The following CNOT6L variants were observed in gnomAD, a reference collection of about 807,000 sequenced individuals.
CNOT6L encodes CCR4-NOT transcription complex subunit 6 like, also known as CCR4-NOT transcription complex subunit 6-like.
In CNOT6L, 7 loss-of-function variants were observed where a neutral mutation model predicts 64.0. That is an observed-to-expected ratio of 0.11 (90% confidence interval 0.06 to 0.21). The LOEUF (loss-of-function observed/expected upper bound fraction) is 0.21. Ranked by LOEUF, CNOT6L falls within the 10% of genes least tolerant of loss-of-function variation. The pLI is 1.00. For missense variants in CNOT6L, 245 were observed against 669.0 expected (o/e 0.37, Z 6.99); for synonymous variants, 193 against 243.4 (o/e 0.79, Z 1.93).
At chr4:77,779,242 G>A (rs1728572917) in intron 1 of CNOT6L, among the ~76,000 whole-genome samples, 2 of 151,722 alleles carry the variant, frequency 1.3e-5, no homozygotes, top group African/African-American at 2.4e-5. Flanking sequence ...ATGTATTTGT[G>A]GAATGATCAA....
At chr4:77,804,337 G>C (rs1731970956) in intron 1 of CNOT6L, among the ~76,000 whole-genome samples, 1 of 151,722 alleles carries the variant, frequency 6.6e-6, no homozygotes, top group Non-Finnish European at 1.5e-5. Flanking sequence ...GCTTAGGCAG[G>C]AGAACTGCTT....
chr4:77,739,962 T>C (rs563539145), intron 8 of CNOT6L, among the ~76,000 whole-genome samples: 13 of 152,278 alleles, frequency 8.5e-5, no homozygotes, highest in African/African-American at 3.1e-4. Context: ...TTCCATATTA[T>C]CTTGAAAGAA....
At chr4:77,749,902 C>T (rs756688852) in intron 5 of CNOT6L, among the ~76,000 whole-genome samples, 1 of 152,120 alleles carries the variant, frequency 6.6e-6, no homozygotes, top group Non-Finnish European at 1.5e-5. Context: ...CTGGGATCAG[C>T]CCTATCTTCT....
chr4:77,735,729 G>A (rs1354100), intron 8 of CNOT6L, among the ~76,000 whole-genome samples: 9,788 of 152,086 alleles, frequency 0.064, 472 homozygotes, highest in African/African-American at 0.13. Context: ...TTTGTTGATC[G>A]TCAATTACTG....
At chr4:77,727,442 C>T (rs1721981470) in intron 10 of CNOT6L, among the ~76,000 whole-genome samples, 1 of 151,706 alleles carries the variant, frequency 6.6e-6, no homozygotes, top group Non-Finnish European at 1.5e-5. Context: ...TGGCATGCAC[C>T]TGTAATTCCA....
chr4:77,769,085 T>C (rs2110044748), intron 4 of CNOT6L, among the ~76,000 whole-genome samples: 1 of 152,226 alleles, frequency 6.6e-6, no homozygotes, highest in South Asian at 2.1e-4. Flanking sequence ...AATACAGCAG[T>C]AAAACAAAGA....
intron 4 of CNOT6L, among the ~76,000 whole-genome samples, chr4:77,769,004 A>G (rs574439684): frequency 6.6e-6 from 1 of 152,314 alleles, no homozygotes; most frequent in Non-Finnish European, 1.5e-5. Flanking sequence ...GTAGCCAAAA[A>G]CAAAAATGGA....
At chr4:77,761,872 G>A (rs1308688836) in intron 4 of CNOT6L, among the ~76,000 whole-genome samples, 1 of 152,020 alleles carries the variant, frequency 6.6e-6, no homozygotes, top group Non-Finnish European at 1.5e-5. Flanking sequence ...CCAAGAAAAA[G>A]TAAATTTACA....
intron 1 of CNOT6L, among the ~76,000 whole-genome samples, chr4:77,778,795 A>G (rs1200093683): frequency 6.6e-6 from 1 of 151,734 alleles, no homozygotes; most frequent in African/African-American, 2.4e-5. Flanking sequence ...ATGTAATCCT[A>G]GCACTTTGGG....
intron 3 of CNOT6L, among the ~76,000 whole-genome samples, chr4:77,773,606 C>T (rs1011453530): frequency 2.2e-4 from 33 of 152,082 alleles, no homozygotes; most frequent in Non-Finnish European, 1.3e-4. Context: ...AGCCAATCAC[C>T]GGTATCTCTT....
intron 10 of CNOT6L, among the ~76,000 whole-genome samples, chr4:77,727,633 A>AT (rs963224138): frequency 6.6e-6 from 1 of 151,704 alleles, no homozygotes; most frequent in Admixed American, 6.6e-5. Context: ...TGCATAGTTC[A>AT]TAAGTAGCAA....
chr4:77,774,635 C>T lies in CNOT6L; in HGVS notation c.209G>A (p.Arg70His). 4 of 1,613,350 alleles carry T rather than the reference C, an allele frequency of 2.5e-6. No homozygotes were observed. The highest frequency in any genetic ancestry group is 2.5e-6 in the Non-Finnish European group (3 of 1,179,578). ...AAGCTTGGCAATATCAGGTGGAATG[C>T]GACTAAGGTAATTGTCATTTAGGTG... is the stretch of plus-strand genomic sequence containing the variant. ...ALHLNDNYLS[R>H]IPPDIAKLHN... Residue 70 changes from arginine to histidine, a missense_variant, in exon 3 of 12, where the codon CGC (arginine) becomes CAC (histidine). This residue lies in a region of CNOT6L where 78 missense variants were observed against 137.6 expected (regional missense o/e 0.57). Transcript: ENST00000504123.
intron 4 of CNOT6L, among the ~76,000 whole-genome samples, chr4:77,765,040 G>A (rs763645929): frequency 7.9e-5 from 12 of 152,160 alleles, no homozygotes; most frequent in Non-Finnish European, 1.8e-4. Flanking sequence ...GTCAGGACAA[G>A]ATACAGGTCA....
intron 1 of CNOT6L, among the ~76,000 whole-genome samples, chr4:77,816,341 A>G (rs1285615294): frequency 6.6e-6 from 1 of 152,202 alleles, no homozygotes; most frequent in Non-Finnish European, 1.5e-5. Flanking sequence ...ACTAAATAAG[A>G]GCAGATTCAT....
At chr4:77,734,182 C>G (rs1722721770) in intron 8 of CNOT6L, among the ~76,000 whole-genome samples, 1 of 152,072 alleles carries the variant, frequency 6.6e-6, no homozygotes. Flanking sequence ...TGCTCTTAAA[C>G]CAGGTCTTGT....
intron 1 of CNOT6L, among the ~76,000 whole-genome samples, chr4:77,802,158 T>C (rs1206224447): frequency 2.0e-5 from 3 of 152,172 alleles, no homozygotes; most frequent in Non-Finnish European, 4.4e-5. Context: ...GTGAGGTGTG[T>C]TACAAATACA....
At chr4:77,728,589 T>G (rs576614594) in intron 10 of CNOT6L, among the ~76,000 whole-genome samples, 1 of 152,314 alleles carries the variant, frequency 6.6e-6, no homozygotes, top group African/African-American at 2.4e-5. Context: ...CTTTCCCTTT[T>G]AGGTAGAGGA....
intron 1 of CNOT6L, among the ~76,000 whole-genome samples, chr4:77,812,565 T>A (rs951001337): frequency 2.6e-5 from 4 of 151,850 alleles, no homozygotes; most frequent in South Asian, 2.1e-4. Context: ...AAATTTTTTT[T>A]AATTCCATTT....
chr4:77,815,508 A>G lies in CNOT6L; in HGVS notation c.5+3796T>C, dbSNP rs562542991. Among the ~76,000 whole-genome samples, 4 of 152,290 alleles carry G rather than the reference A, an allele frequency of 2.6e-5. No homozygotes were observed. In the South Asian group the frequency reaches 8.3e-4, roughly 32 times the overall value. ...CCAATTTTACTCTTTGAAGATGGAA[A>G]GCAATTCCTAACTATCATAATTCAC... On this transcript the variant is annotated intron_variant, in intron 1 of 11. Transcript: ENST00000504123.
Sources: gnomAD v4.1 joint callset for allele counts (sites outside exome capture counted in the v4.1 genomes callset) on GRCh38, gnomAD v4.1.1 for gene constraint, gnomAD v4.1.1 regional missense constraint, MANE v1.5 for transcripts, NCBI Gene and HGNC (gene_info 2026-07-23, HGNC 2026-07-21) for gene names.